Variants in DAP observed in about 807,000 individuals in gnomAD.
DAP encodes the protein death-associated protein 1.
DAP carries 8 observed loss-of-function variants against 13.8 expected under a neutral mutation model. The ratio of observed to expected loss-of-function variants is 0.58; its 90% CI spans 0.34 to 1.05. The LOEUF is 1.05. Ranked by LOEUF, DAP falls within the 50% of genes least tolerant of loss-of-function variation. The pLI is 0.03. For synonymous variants in DAP, 47 were observed against 47.5 expected, an observed-to-expected ratio of 0.99 and a Z score of 0.04; for missense variants, 106 against 133.2, an observed-to-expected ratio of 0.80 and a Z score of 1.01.
At chr5:10,749,033 T>C (rs1739979767) in intron 1 of DAP, among the ~76,000 whole-genome samples, 1 of 152,198 alleles carries the variant, frequency 6.6e-6, no homozygotes, top group African/African-American at 2.4e-5. Context: ...TGGACTTGCT[T>C]ATTTCGGACA....
At chr5:10,728,611 C>A (rs1054677674) in intron 2 of DAP, among the ~76,000 whole-genome samples, 2 of 152,158 alleles carry the variant, frequency 1.3e-5, no homozygotes, top group African/African-American at 4.8e-5. Flanking sequence ...AAAACTTGAC[C>A]TTCCAGTAAG....
At position 10,713,877 on chromosome 5, in the gene DAP, C is replaced by G. The variant is rs149330821; in HGVS notation, c.153-30306G>C. On this transcript the variant is annotated intron_variant, in intron 2 of 3. Coordinates refer to ENST00000230895, the MANE Select transcript of DAP (RefSeq NM_004394.3). ...GGTCTGAGAACTGAACGTCAGGGAG[C>G]AGTCAAGATCCCATCAGGCTGCCCA... Among the ~76,000 whole-genome samples the G allele has an allele frequency of 3.0e-3, 463 of 152,346 alleles. 3 individuals are homozygous for G. Among genetic ancestry groups the G allele is most frequent in the African/African-American group, 0.011 (453 of 41,580 alleles).
chr5:10,724,796 T>C (rs1271476454), intron 2 of DAP, among the ~76,000 whole-genome samples: 1 of 152,146 alleles, frequency 6.6e-6, no homozygotes, highest in Non-Finnish European at 1.5e-5. Context: ...TCCAGTGACT[T>C]GGAGGGAAGA....
intron 1 of DAP, among the ~76,000 whole-genome samples, chr5:10,755,222 A>G (rs1579825021): frequency 6.6e-6 from 1 of 152,076 alleles, no homozygotes. Context: ...CTTGTGGAGG[A>G]AGGCGCCACG....
At chr5:10,721,281 G>A (rs1158822593) in intron 2 of DAP, among the ~76,000 whole-genome samples, 1 of 152,164 alleles carries the variant, frequency 6.6e-6, no homozygotes, top group African/African-American at 2.4e-5. Flanking sequence ...ATGATCCACT[G>A]GCAAAATTTT....
intron 2 of DAP, among the ~76,000 whole-genome samples, chr5:10,690,077 C>T (rs542455367): frequency 1.3e-5 from 2 of 151,836 alleles, no homozygotes; most frequent in Admixed American, 1.3e-4. Flanking sequence ...ATGTGTCCAG[C>T]ACTTCCGCAG....
At chr5:10,757,270 T>C (rs1019492942) in intron 1 of DAP, among the ~76,000 whole-genome samples, 1 of 151,866 alleles carries the variant, frequency 6.6e-6, no homozygotes, top group East Asian at 1.9e-4. Context: ...CTCCAAACAA[T>C]TGGGTCAGGT....
rs999064135 is a variant in DAP, at chr5:10,711,043, G to A, written c.153-27472C>T. Among the ~76,000 whole-genome samples, 42 of 152,310 alleles carry A rather than the reference G, an allele frequency of 2.8e-4. 1 individual carries two copies. Among genetic ancestry groups the A allele is most frequent in the African/African-American group, 8.7e-4 (36 of 41,560 alleles). On this transcript the variant is annotated intron_variant, in intron 2 of 3. Transcript: ENST00000230895. Reference sequence around the variant, plus strand: ...GTGCAGCTAATAAATAACAACTGAGGTCTTTAATTAAACATCAGTGAATCT... The same window carrying A: ...GTGCAGCTAATAAATAACAACTGAGATCTTTAATTAAACATCAGTGAATCT...
At chr5:10,742,533 C>CA (rs1392488018) in intron 2 of DAP, among the ~76,000 whole-genome samples, 1 of 152,048 alleles carries the variant, frequency 6.6e-6, no homozygotes, top group Non-Finnish European at 1.5e-5. Flanking sequence ...ATCTCAAAAA[C>CA]AAAAACAAAA....
At chr5:10,735,627 G>C (rs981040559) in intron 2 of DAP, among the ~76,000 whole-genome samples, 4 of 152,138 alleles carry the variant, frequency 2.6e-5, no homozygotes, top group African/African-American at 7.2e-5. Flanking sequence ...TTTCTTAATT[G>C]ATGGAGTGTG....
intron 2 of DAP, among the ~76,000 whole-genome samples, chr5:10,697,299 T>G (rs1031273323): frequency 3.9e-5 from 6 of 152,230 alleles, no homozygotes; most frequent in African/African-American, 1.4e-4. Flanking sequence ...TGCGCGGCTG[T>G]CCAGCAGGGC....
chr5:10,746,210 C>T (rs1001794182), intron 2 of DAP, among the ~76,000 whole-genome samples: 3 of 152,120 alleles, frequency 2.0e-5, no homozygotes, highest in African/African-American at 4.8e-5. Flanking sequence ...TAAAATACGT[C>T]GGGCCGCAAG....
intron 2 of DAP, among the ~76,000 whole-genome samples, chr5:10,730,415 G>A (rs963415677): frequency 6.6e-6 from 1 of 150,550 alleles, no homozygotes; most frequent in African/African-American, 2.4e-5. Flanking sequence ...GAGCCCCGGT[G>A]GGGGGGAATC....
chr5:10,719,577 T>C (rs1046052786), intron 2 of DAP, among the ~76,000 whole-genome samples: 2 of 152,174 alleles, frequency 1.3e-5, no homozygotes, highest in African/African-American at 4.8e-5. Context: ...GGTCATGAAG[T>C]CACCATGTGA....
intron 1 of DAP, among the ~76,000 whole-genome samples, chr5:10,756,398 CTT>C (rs1258514688): frequency 3.9e-4 from 36 of 91,484 alleles, no homozygotes; most frequent in Non-Finnish European, 4.4e-4. Context: ...ATCTGAAAGT[CTT>C]TCTGCAGGGA....
intron 2 of DAP, among the ~76,000 whole-genome samples, chr5:10,747,660 T>C (rs998965910): frequency 6.6e-6 from 1 of 152,214 alleles, no homozygotes; most frequent in African/African-American, 2.4e-5. Context: ...AGTATTTGTT[T>C]CTCTGGAATG....
intron 2 of DAP, among the ~76,000 whole-genome samples, chr5:10,703,274 G>T (rs918330818): frequency 8.5e-5 from 13 of 152,186 alleles, no homozygotes; most frequent in Non-Finnish European, 1.0e-4. Context: ...TGATGCTTAG[G>T]TTCCTAAACT....
chr5:10,682,192 C>T (rs972872712), intron 3 of DAP, among the ~76,000 whole-genome samples: 2 of 151,354 alleles, frequency 1.3e-5, no homozygotes, highest in Non-Finnish European at 2.9e-5. Context: ...GACCAGTGCC[C>T]ACCAGCGTCC....
chr5:10,709,012 G>A (rs1417030059), intron 2 of DAP, among the ~76,000 whole-genome samples: 4 of 152,194 alleles, frequency 2.6e-5, no homozygotes, highest in African/African-American at 7.2e-5. Context: ...TAATTGATAC[G>A]TTCATTACAA....
Sources: allele counts gnomAD v4.1 joint callset (sites outside exome capture counted in the v4.1 genomes callset), GRCh38; gene constraint gnomAD v4.1.1; transcripts MANE v1.5; gene names NCBI Gene and HGNC (gene_info 2026-07-23, HGNC 2026-07-21).